Variants in AP3B1 observed in about 807,000 individuals in gnomAD.
AP3B1 encodes adaptor related protein complex 3 subunit beta 1, also known as AP-3 complex subunit beta-1.
AP3B1 carries 61 observed loss-of-function variants against 132.5 expected under a neutral mutation model. The ratio of observed to expected loss-of-function variants is 0.46; its 90% CI spans 0.37 to 0.57. AP3B1 has a LOEUF of 0.57. Ranked by LOEUF, AP3B1 falls within the 20% of genes least tolerant of loss-of-function variation. The probability of loss-of-function intolerance (pLI) is 0.00; values close to 1 mark genes in which losing one functional copy is unlikely to be tolerated. For synonymous variants in AP3B1, 388 were observed against 438.3 expected (o/e 0.89, Z 1.43); for missense variants, 1,120 against 1,289.4 (o/e 0.87, Z 2.01).
intron 14 of AP3B1, among the ~76,000 whole-genome samples, chr5:78,155,430 T>C (rs1378281184): frequency 6.6e-6 from 1 of 152,170 alleles, no homozygotes; most frequent in African/African-American, 2.4e-5. Flanking sequence ...TTGGTTATGA[T>C]GGTGCTTTTT....
At chr5:78,144,829 T>TTTG (rs5868903) in intron 14 of AP3B1, among the ~76,000 whole-genome samples, 6,208 of 140,730 alleles carry the variant, frequency 0.044, 192 homozygotes, top group East Asian at 0.14. Context: ...TATGGGTTGT[T>TTTG]TTGTTGTTGT....
intron 7 of AP3B1, among the ~76,000 whole-genome samples, chr5:78,213,142 G>C (rs1745818418): frequency 6.6e-6 from 1 of 152,060 alleles, no homozygotes; most frequent in Non-Finnish European, 1.5e-5. Context: ...GCCTCCCAAA[G>C]TGCTGGGATT....
At chr5:78,224,026 G>T (rs999970220) in intron 6 of AP3B1, among the ~76,000 whole-genome samples, 5 of 151,968 alleles carry the variant, frequency 3.3e-5, no homozygotes, top group African/African-American at 1.2e-4. Flanking sequence ...ACTCTCCATG[G>T]TACTTAGCCA....
At chr5:78,031,535 T>C (rs769687212) in intron 24 of AP3B1, among the ~76,000 whole-genome samples, 3 of 152,226 alleles carry the variant, frequency 2.0e-5, no homozygotes, top group Non-Finnish European at 4.4e-5. Context: ...TCATTCTCTT[T>C]ACAGTTTTAT....
At chr5:78,039,408 G>C in intron 22 of AP3B1, 134 bp from the exon 23 acceptor site, 4 of 720,890 alleles carry the variant, frequency 5.5e-6, no homozygotes, top group Non-Finnish European at 9.7e-6. Context: ...ACAAACATTA[G>C]TAGGATATCA....
intron 24 of AP3B1, among the ~76,000 whole-genome samples, chr5:78,025,719 C>T (rs1747314949): frequency 6.6e-6 from 1 of 152,166 alleles, no homozygotes; most frequent in Non-Finnish European, 1.5e-5. Flanking sequence ...ACCTTACTGT[C>T]CTGAAGACAG....
At chr5:78,247,088 T>C (rs781142520) in intron 2 of AP3B1, among the ~76,000 whole-genome samples, 10 of 151,818 alleles carry the variant, frequency 6.6e-5, no homozygotes, top group African/African-American at 9.7e-5. Context: ...CATTTCTAAA[T>C]GTATAAGTTT....
At chr5:78,242,271 T>C (rs528897822) in intron 2 of AP3B1, among the ~76,000 whole-genome samples, 2 of 152,204 alleles carry the variant, frequency 1.3e-5, no homozygotes, top group Admixed American at 6.5e-5. Context: ...TGCCCCACTA[T>C]GCCTCTGCTC....
chr5:78,231,192 G>A (rs948673133), intron 3 of AP3B1, among the ~76,000 whole-genome samples: 1 of 152,058 alleles, frequency 6.6e-6, no homozygotes, highest in African/African-American at 2.4e-5. Context: ...TTGTTTTTAA[G>A]ACAAAGTCTC....
At chr5:78,143,410 TA>T (rs755256629) in intron 14 of AP3B1, among the ~76,000 whole-genome samples, 58 of 150,376 alleles carry the variant, frequency 3.9e-4, no homozygotes, top group Middle Eastern at 3.4e-3. Context: ...TGTAGTTTTC[TA>T]GAACTGAGCT....
chr5:78,276,505 G>A (rs1397884118), intron 1 of AP3B1, among the ~76,000 whole-genome samples: 1 of 152,164 alleles, frequency 6.6e-6, no homozygotes, highest in Non-Finnish European at 1.5e-5. Flanking sequence ...ACCAAGGCAG[G>A]AGGATCACTT....
At position 78,157,772 on chromosome 5, in the gene AP3B1, CAG is replaced by C. The variant is rs1318537736; in HGVS notation, c.1364-1407_1364-1406del. ...GTCCTATTACTCTTTTTTTTTGAGA[CAG>C]AGTCTTGTTCTGTGGCCCAGGCTGG... On this transcript the variant is annotated intron_variant, in intron 13 of 26. Transcript: ENST00000255194. Among the ~76,000 whole-genome samples the C allele has an allele frequency of 7.9e-5, 12 of 151,134 alleles. No individual in the cohort carries two copies. In the East Asian group the frequency reaches 2.3e-3, roughly 29 times the overall value.
At chr5:78,241,017 C>A (rs191434271) in intron 2 of AP3B1, 81 bp from the exon 3 acceptor site, 8 of 964,750 alleles carry the variant, frequency 8.3e-6, no homozygotes, top group Non-Finnish European at 1.3e-5. Flanking sequence ...AAATAAGCTA[C>A]GTAATTAACC....
intron 25 of AP3B1, among the ~76,000 whole-genome samples, chr5:78,020,347 TA>T (rs1391519671): frequency 6.6e-6 from 1 of 152,094 alleles, no homozygotes; most frequent in African/African-American, 2.4e-5. Context: ...ATAACAATTA[TA>T]GTGGTAGGAC....
At chr5:78,015,275 GA>G (rs1344355018) in intron 26 of AP3B1, 134 bp downstream of exon 26, 37 of 941,574 alleles carry the variant, frequency 3.9e-5, no homozygotes, top group East Asian at 1.1e-4. Flanking sequence ...TATACCATCA[GA>G]AAAAAAAGGG....
intron 3 of AP3B1, among the ~76,000 whole-genome samples, chr5:78,229,542 G>A (rs1407577894): frequency 6.7e-6 from 1 of 148,370 alleles, no homozygotes; most frequent in African/African-American, 2.5e-5. Flanking sequence ...GGACCAGCCT[G>A]GGCAACATGG....
chr5:78,119,970 C>T (rs1752087216), intron 17 of AP3B1, among the ~76,000 whole-genome samples: 1 of 152,174 alleles, frequency 6.6e-6, no homozygotes, highest in African/African-American at 2.4e-5. Flanking sequence ...AAGGGAAGCC[C>T]ATCAGACTAA....
At chr5:78,181,920 C>A (rs1161792806) in intron 7 of AP3B1, among the ~76,000 whole-genome samples, 1 of 151,862 alleles carries the variant, frequency 6.6e-6, no homozygotes, top group Non-Finnish European at 1.5e-5. Flanking sequence ...CTATTAAATC[C>A]CCATAGAAAT....
In AP3B1 at chr5:78,181,643, T is replaced by C. The variant is rs1195923017; in HGVS notation, c.806A>G (p.Asn269Ser). 7 of 1,612,126 alleles carry C rather than the reference T, an allele frequency of 4.3e-6. No individual in the cohort carries two copies. Among genetic ancestry groups the C allele is most frequent in the Middle Eastern group, 1.7e-4 (1 of 6,050 alleles). The change falls in exon 8 of 27, where the codon AAT becomes AGT. Residue 269 changes from asparagine (N) to serine (S), a missense_variant. By Grantham distance (46) the Asn-to-Ser change is conservative. Coordinates refer to ENST00000255194, the MANE Select transcript of AP3B1 (RefSeq NM_003664.5). ...PWKEGDELED[N>S]GKNFYESDDD... ...ATCAGATTCGTAGAAATTCTTTCCA[T>C]TGTCTTCTAATTCATCACCCTACAA...
Sources: gnomAD v4.1 joint callset for allele counts (sites outside exome capture counted in the v4.1 genomes callset) on GRCh38, gnomAD v4.1.1 for gene constraint, MANE v1.5 for transcripts, NCBI Gene and HGNC (gene_info 2026-07-23, HGNC 2026-07-21) for gene names.